The following LAMA5 variants were observed in gnomAD, a reference collection of about 807,000 sequenced individuals.
LAMA5 encodes the protein laminin subunit alpha-5.
LAMA5 carries 260 observed loss-of-function variants against 433.4 expected under a neutral mutation model. The observed-to-expected ratio is 0.60, with a 90% CI of 0.54 to 0.66. The LOEUF is 0.66. Ranked by LOEUF, LAMA5 falls within the 30% of genes least tolerant of loss-of-function variation. The pLI, the probability that LAMA5 is intolerant of heterozygous loss-of-function variation, is 0.00. For missense variants in LAMA5, 5,378 were observed against 5,258.5 expected (o/e 1.02, Z -0.70); for synonymous variants, 2,620 against 2,226.6 (o/e 1.18, Z -4.97).
rs150515719 is a variant in LAMA5 at position 62,346,230 on chromosome 20, G to A, written c.1283-15C>T. On this transcript the variant is annotated splice_polypyrimidine_tract_variant and intron_variant, in intron 9 of 79. Transcript: ENST00000252999. ...GCAGTTGCAGCCTGGGCAGGGGCAG[G>A]AGCCGGGTAAGCCTGGAGCTACCAG... 2.6e-3 allele frequency: 4,211 copies of A among 1,607,870 alleles called. 14 individuals carry two copies. The highest frequency in any genetic ancestry group is 3.4e-3 in the Non-Finnish European group (4,012 of 1,177,772).
Position 62,332,386 on chromosome 20 carries a change from C to T in LAMA5, c.3538G>A (p.Ala1180Thr), listed in dbSNP as rs77177699. The stretch of plus-strand genomic sequence containing the variant: ...GGGGTCCTTACCAGGAAGAAGCGTG[C>T]CTGTTCGGCTGTGAGCCTCACGCTG... ...EASVRLTAEQ[A>T]RFFLHGVTLV... is the part of the protein sequence containing the mutation. Residue 1180 changes from alanine (A) to threonine (T), a missense_variant, in exon 28 of 80, where the codon GCA becomes ACA. Transcript: ENST00000252999. The T allele has an allele frequency of 6.2e-7, 1 of 1,611,974 alleles. No individual in the cohort carries two copies. Among genetic ancestry groups the T allele is most frequent in the Admixed American group, 1.7e-5 (1 of 60,018 alleles).
intron 2 of LAMA5, among the ~76,000 whole-genome samples, chr20:62,361,925 C>A (rs1372200710): frequency 6.6e-6 from 1 of 152,312 alleles, no homozygotes; most frequent in East Asian, 1.9e-4. Flanking sequence ...AGAGCAGGCA[C>A]CCGACCCCAC....
Position 62,317,516 on chromosome 20 carries a change from C to T in LAMA5, c.7357-17G>A. The T allele has an allele frequency of 6.5e-7, 1 of 1,537,492 alleles. No individual in the cohort carries two copies. Among genetic ancestry groups the T allele is most frequent in the Non-Finnish European group, 8.8e-7 (1 of 1,138,798 alleles). ...CTCCAGCTCCTGGAATTTGAGTGGACTTAGCCCCTCATCCTGCTCACAGCC... is the reference window on the plus strand; with the variant it reads ...CTCCAGCTCCTGGAATTTGAGTGGATTTAGCCCCTCATCCTGCTCACAGCC... On this transcript the variant is annotated splice_polypyrimidine_tract_variant and intron_variant, in intron 54 of 79. Coordinates refer to ENST00000252999, the MANE Select transcript of LAMA5 (RefSeq NM_005560.6).
At chr20:62,354,231 C>G (rs1395167407) in intron 2 of LAMA5, among the ~76,000 whole-genome samples, 1 of 152,046 alleles carries the variant, frequency 6.6e-6, no homozygotes, top group African/African-American at 2.4e-5. Flanking sequence ...GCCCCTCCCC[C>G]TAACCCTCAG....
In LAMA5 at chr20:62,333,065, C is replaced by G. The variant is rs555334993; in HGVS notation, c.3282+25G>C. On this transcript the variant is annotated intron_variant, in intron 26 of 79. Coordinates refer to ENST00000252999, the MANE Select transcript of LAMA5 (RefSeq NM_005560.6). ...GGCCAAGGTCCTGCAACACCCATTG[C>G]TCCGTGGGGTCCCAGGACACGCACA... is the stretch of plus-strand genomic sequence containing the variant. The G allele has an allele frequency of 1.9e-4, 274 of 1,476,800 alleles. 7 individuals carry two copies. In the South Asian group the frequency reaches 3.7e-3, roughly 20 times the overall value. The allele number at this position is 1,476,800 out of a possible 1,614,324, so 91.5% of individuals were successfully genotyped here. A position where few individuals can be genotyped will look rare whatever the true frequency, so the allele number is the denominator to read the frequency against.
At position 62,336,433 on chromosome 20, in the gene LAMA5, A is replaced by G. The variant is rs375779974; in HGVS notation, c.2230T>C (p.Cys744Arg). ...CCCTCCACGTGAGCCCGGCACATAC[A>G]GGGAACCTGTGCCTGGGAGAGGACA... is the stretch of plus-strand genomic sequence containing the variant. The part of the protein sequence containing the change: ...DPALPEAQVP[C>R]MCRAHVEGPS... The change falls in exon 18 of 80, where the codon TGT (cysteine) becomes CGT (arginine). Residue 744 changes from cysteine to arginine, a missense_variant. Coordinates refer to ENST00000252999, the MANE Select transcript of LAMA5 (RefSeq NM_005560.6). 8.9e-5 allele frequency: 143 copies of G among 1,612,086 alleles called. No individual in the cohort carries two copies. The highest frequency in any genetic ancestry group is 1.2e-4 in the Non-Finnish European group (139 of 1,179,616).
rs770511964 is a variant in LAMA5, at chr20:62,323,469, G to A, written c.6051C>T (p.Pro2017=). ...CCCGACGCCTACGGGTGCAGTTGCC[G>A]GGCAGCAGGGCGTTGCCGTAGAAGC... The part of the protein sequence containing the change: ...APGFYGNALL[P]GNCTRCDCTP... The change falls in exon 45 of 80, where the codon CCC becomes CCT. Residue 2017 remains proline, a synonymous_variant. Transcript: ENST00000252999. 9.5e-5 allele frequency: 146 copies of A among 1,542,012 alleles called. No homozygotes were observed. The East Asian group carries it at 1.7e-3, about 18-fold the overall frequency.
rs1979551597 is a variant in LAMA5, at chr20:62,327,683, G to A, written c.4798-14C>T. The A allele has an allele frequency of 1.9e-6, 3 of 1,609,642 alleles. No individual in the cohort carries two copies. Among genetic ancestry groups the A allele is most frequent in the East Asian group, 2.2e-5 (1 of 44,766 alleles). ...CTGCACGTTCTCCTAGGGATGAGAG[G>A]ACAGTGAGAGTGGTCGGCAGGTGCC... On this transcript the variant is annotated splice_polypyrimidine_tract_variant and intron_variant, in intron 36 of 79. Transcript: ENST00000252999.
In LAMA5 at chr20:62,328,456, G is replaced by A. The variant is rs377522276; in HGVS notation, c.4448-11C>T. The A allele has an allele frequency of 4.7e-5, 69 of 1,479,818 alleles. 2 individuals are homozygous for A. The highest frequency in any genetic ancestry group is 3.7e-4 in the Middle Eastern group (2 of 5,380). The allele number at this position is 1,479,818 out of a possible 1,614,324, so 91.7% of individuals were successfully genotyped here. On this transcript the variant is annotated splice_polypyrimidine_tract_variant and intron_variant, in intron 34 of 79. Coordinates refer to ENST00000252999, the MANE Select transcript of LAMA5 (RefSeq NM_005560.6). The stretch of plus-strand genomic sequence containing the variant: ...CACCGCAGTCACAGGCTGTGGGGCG[G>A]GTACAGGGTTTACTGACCCCTCTTC...
chr20:62,356,977 G>A (rs567934959), intron 2 of LAMA5, among the ~76,000 whole-genome samples: 1 of 152,328 alleles, frequency 6.6e-6, no homozygotes, highest in South Asian at 2.1e-4. Context: ...TAGGGTCTGG[G>A]CAGCACGGTG....
chr20:62,335,187 A>G, intron 19 of LAMA5, 30 bp downstream of exon 19: 1 of 1,612,624 alleles, frequency 6.2e-7, no homozygotes, highest in Admixed American at 1.7e-5. Flanking sequence ...TGTGCCCCCA[A>G]ATCCCCCACA....
chr20:62,316,981 G>A lies in LAMA5; in HGVS notation c.7554C>T (p.Ala2518=), dbSNP rs200687634. The A allele has an allele frequency of 1.9e-6, 3 of 1,557,872 alleles. No individual in the cohort carries two copies. The highest frequency in any genetic ancestry group is 1.4e-5 in the African/African-American group (1 of 73,328). ...DVNQDRLTQR[A]IEASNAYSRI... ...GGCTGTAGGCGTTGGAGGCCTCGAT[G>A]GCCCTCTGGGTGAGGCGGTCCTGGT... Residue 2518 remains alanine (A), a synonymous_variant, in exon 56 of 80, where the codon GCC becomes GCT. Transcript: ENST00000252999.
rs571817029 is a variant in LAMA5, at chr20:62,331,076, G to C, written c.3606C>G (p.Pro1202=). 349 of 1,604,774 alleles carry C rather than the reference G, an allele frequency of 2.2e-4. 6 individuals are homozygous for C. In the South Asian group the frequency reaches 3.7e-3, roughly 17 times the overall value. Residue 1202 remains proline, a synonymous_variant, in exon 29 of 80, where the codon CCC becomes CCG. Coordinates refer to ENST00000252999, the MANE Select transcript of LAMA5 (RefSeq NM_005560.6). ...IEEFSPEFVE[P]RVSCISSHGA... is the part of the protein sequence containing the mutation. ...CGTGGCTGCTGATGCAGCTGACCCG[G>C]GGCTCCACGAACTCCGGGCTGAACT...
chr20:62,317,593 G>A, intron 54 of LAMA5, 69 bp downstream of exon 54: 3 of 1,517,476 alleles, frequency 2.0e-6, no homozygotes, highest in Non-Finnish European at 2.7e-6. Flanking sequence ...TGCACACAAA[G>A]CTGCCCACGG....
Position 62,312,775 on chromosome 20 carries a change from C to G in LAMA5, c.9084G>C (p.Gln3028His). 1 of 1,591,866 alleles carries G rather than the reference C, an allele frequency of 6.3e-7. No individual in the cohort carries two copies. Residue 3028 changes from glutamine to histidine, a missense_variant, in exon 67 of 80, where the codon CAG (glutamine) becomes CAC (histidine). Coordinates refer to ENST00000252999, the MANE Select transcript of LAMA5 (RefSeq NM_005560.6). ...TGCGGCTGCCCCCCAGCAGGAACACCTGGATCTACAGGACCAGTGGGGGCT... is the reference window on the plus strand; with the variant it reads ...TGCGGCTGCCCCCCAGCAGGAACACGTGGATCTACAGGACCAGTGGGGGCT... ...PPLTSASKAI[Q>H]VFLLGGSRKR...
In LAMA5 at chr20:62,310,186, C is replaced by T. The variant is rs139502000; in HGVS notation, c.10726G>A (p.Glu3576Lys). The T allele has an allele frequency of 4.8e-3, 7,668 of 1,612,484 alleles. 21 individuals carry two copies. Among genetic ancestry groups the T allele is most frequent in the Non-Finnish European group, 5.7e-3 (6,686 of 1,179,966 alleles). Residue 3576 changes from glutamate (E) to lysine (K), a missense_variant, in exon 77 of 80, where the codon GAG becomes AAG. By Grantham distance (56) the Glu-to-Lys change is moderately conservative (BLOSUM62 1). Transcript: ENST00000252999. ...TPPYLQLQVT[E>K]KQVLLRADDG... ...ACCTCTGCCAGGCTTACTTGCTTCT[C>T]GGTCACCTGCAACTGCAAGTAGGGG...
chr20:62,321,202 G>C (rs1277228634), intron 48 of LAMA5, among the ~76,000 whole-genome samples: 8 of 132,908 alleles, frequency 6.0e-5, no homozygotes. Flanking sequence ...GGTGGGGCCA[G>C]TGGAGGAAGA....
intron 79 of LAMA5, 53 bp from the exon 80 acceptor site, chr20:62,309,528 C>T: frequency 6.9e-7 from 1 of 1,450,312 alleles, no homozygotes; most frequent in South Asian, 1.3e-5. Flanking sequence ...GCTAGAGACC[C>T]ACAGGCCCTT....
chr20:62,361,726 C>T (rs1019007436), intron 2 of LAMA5, among the ~76,000 whole-genome samples: 2 of 152,208 alleles, frequency 1.3e-5, no homozygotes, highest in East Asian at 3.9e-4. Context: ...GATTACTGGC[C>T]CATTTTACAG....
Sources: gnomAD v4.1 joint callset for allele counts (sites outside exome capture counted in the v4.1 genomes callset) on GRCh38, gnomAD v4.1.1 for gene constraint, MANE v1.5 for transcripts, NCBI Gene and HGNC (gene_info 2026-07-23, HGNC 2026-07-21) for gene names.